Variants in CEP43 observed in about 807,000 individuals in gnomAD.
CEP43 encodes the protein FGFR1 oncogene partner.
A neutral mutation model predicts 52.6 loss-of-function variants in CEP43; 36 were observed. That is an observed-to-expected ratio of 0.68 (90% CI 0.52 to 0.90). The LOEUF is 0.90. Among genes scored for constraint, CEP43 ranks in the 40% least tolerant of loss-of-function variants. The pLI, the probability that CEP43 is intolerant of heterozygous loss-of-function variation, is 0.00. For missense variants in CEP43, 506 were observed against 472.8 expected (o/e 1.07, Z -0.65); for synonymous variants, 192 against 172.4 (o/e 1.11, Z -0.89).
At chr6:167,005,258 CTT>C (rs1368128840) in intron 5 of CEP43, among the ~76,000 whole-genome samples, 5 of 152,114 alleles carry the variant, frequency 3.3e-5, no homozygotes, top group Non-Finnish European at 5.9e-5. Context: ...GGTAAATAGA[CTT>C]TGTGGGTACT....
At chr6:167,036,621 C>T (rs959863040) in intron 12 of CEP43, 11 of 985,196 alleles carry the variant, frequency 1.1e-5, no homozygotes, top group East Asian at 1.1e-4. Context: ...AAGTTCCCGT[C>T]GATTTGTATG....
Position 167,032,583 on chromosome 6 carries a change from T to C in CEP43, c.989-20T>C. ...TGTGACGCACATTAGATATAACATA[T>C]CTTTTCTTAAACTTATCAGGAACTG... On this transcript the variant is annotated intron_variant, in intron 10 of 12. Transcript: ENST00000366847. The C allele has an allele frequency of 6.4e-7, 1 of 1,558,902 alleles. No homozygotes were observed.
chr6:167,030,119 A>G (rs939664772), intron 10 of CEP43, among the ~76,000 whole-genome samples: 3 of 152,242 alleles, frequency 2.0e-5, no homozygotes, highest in African/African-American at 4.8e-5. Flanking sequence ...CACTGGGGAT[A>G]TGATGGCTTA....
chr6:167,030,934 C>G (rs1321928675), intron 10 of CEP43, among the ~76,000 whole-genome samples: 1 of 151,214 alleles, frequency 6.6e-6, no homozygotes, highest in Non-Finnish European at 1.5e-5. Flanking sequence ...CCCTAATGAT[C>G]CGGCTTCTGC....
At chr6:167,027,314 G>A (rs991004758) in intron 10 of CEP43, among the ~76,000 whole-genome samples, 5 of 152,178 alleles carry the variant, frequency 3.3e-5, no homozygotes, top group African/African-American at 4.8e-5. Flanking sequence ...GTTCTGTTCT[G>A]TGCAAGACTG....
chr6:167,013,356 A>G, intron 6 of CEP43, 152 bp from the exon 7 acceptor site: 1 of 580,996 alleles, frequency 1.7e-6, no homozygotes, highest in East Asian at 3.1e-5. Context: ...TAGTTAAGAA[A>G]GGACCAAAAA....
intron 8 of CEP43, among the ~76,000 whole-genome samples, chr6:167,022,882 G>C (rs73259238): frequency 0.013 from 2,010 of 152,182 alleles, 43 homozygotes; most frequent in African/African-American, 0.045. Flanking sequence ...GTTCCAGGGT[G>C]GGGTGCAGCA....
intron 7 of CEP43, 54 bp downstream of exon 7, chr6:167,013,621 C>T: frequency 7.0e-7 from 1 of 1,418,848 alleles, no homozygotes. Flanking sequence ...CAGGTCTCGA[C>T]TCTGGGGCCT....
intron 12 of CEP43, among the ~76,000 whole-genome samples, chr6:167,038,213 A>G (rs1371100475): frequency 6.6e-6 from 1 of 152,236 alleles, no homozygotes; most frequent in African/African-American, 2.4e-5. Context: ...CAAGTAGTTT[A>G]AACAGAAGTA....
intron 12 of CEP43, among the ~76,000 whole-genome samples, chr6:167,035,826 C>T (rs898396064): frequency 1.3e-5 from 2 of 152,188 alleles, no homozygotes; most frequent in African/African-American, 4.8e-5. Context: ...CTCGGCCTCC[C>T]AAAGTGCTGG....
At chr6:167,035,560 A>C (rs1780565395) in intron 12 of CEP43, among the ~76,000 whole-genome samples, 1 of 150,958 alleles carries the variant, frequency 6.6e-6, no homozygotes, top group African/African-American at 2.4e-5. Context: ...CAAGTTATTT[A>C]ACTTTTTTTT....
In CEP43 at chr6:167,033,856, T is replaced by C. The variant is rs1780525495; in HGVS notation, c.1029-19T>C. The C allele has an allele frequency of 3.2e-6, 4 of 1,268,824 alleles. No homozygotes were observed. The highest frequency in any genetic ancestry group is 2.1e-5 in the Admixed American group (1 of 48,088). The allele number at this position is 1,268,824 out of a possible 1,614,324, so 78.6% of individuals were successfully genotyped here. ...TTTATTTTCAGAGTTCTTATTTTTT[T>C]TTCCCCTTCTGAAATTAGTACCAGC... On this transcript the variant is annotated intron_variant, in intron 11 of 12. Transcript: ENST00000366847.
In CEP43 at chr6:167,004,301, A is replaced by C; in HGVS notation, c.338A>C (p.Asp113Ala). The C allele has an allele frequency of 6.2e-7, 1 of 1,609,650 alleles. No individual in the cohort carries two copies. Among genetic ancestry groups the C allele is most frequent in the Non-Finnish European group, 8.5e-7 (1 of 1,177,820 alleles). The change falls in exon 5 of 13, where the codon GAT becomes GCT. Residue 113 changes from aspartate (D) to alanine (A), a missense_variant. Physicochemically the swap from Asp to Ala is moderately radical, Grantham distance 126 (BLOSUM62 -2). Transcript: ENST00000366847. ...GLEGRENLAR[D>A]LGIIEAEGTV... ...GAAGGTCGAGAGAATTTAGCCCGAG[A>C]TTTAGGTATAATTGAAGCAGAAGGT...
At chr6:167,039,137 T>C (rs1403416522) in intron 12 of CEP43, among the ~76,000 whole-genome samples, 1 of 147,068 alleles carries the variant, frequency 6.8e-6, no homozygotes, top group African/African-American at 2.5e-5. Context: ...ATTTTGTTAC[T>C]TTTTTTTTTT....
chr6:167,033,871 T>G lies in CEP43; in HGVS notation c.1029-4T>G. The G allele has an allele frequency of 6.6e-7, 1 of 1,507,506 alleles. No individual in the cohort carries two copies. The highest frequency in any genetic ancestry group is 9.1e-7 in the Non-Finnish European group (1 of 1,103,730). The allele number at this position is 1,507,506 out of a possible 1,614,324, so 93.4% of individuals were successfully genotyped here. A position where few individuals can be genotyped will look rare whatever the true frequency, so the allele number is the denominator to read the frequency against. On this transcript the variant is annotated splice_region_variant and splice_polypyrimidine_tract_variant and intron_variant, in intron 11 of 12. Transcript: ENST00000366847. Reference sequence around the variant, plus strand: ...CTTATTTTTTTTTCCCCTTCTGAAATTAGTACCAGCCATCGCTCAGAGAAA... The same window carrying G: ...CTTATTTTTTTTTCCCCTTCTGAAAGTAGTACCAGCCATCGCTCAGAGAAA...
intron 6 of CEP43, among the ~76,000 whole-genome samples, chr6:167,012,383 A>C (rs1780005829): frequency 6.6e-6 from 1 of 151,630 alleles, no homozygotes; most frequent in Non-Finnish European, 1.5e-5. Context: ...TTTTTCCTAA[A>C]TACTCATAGG....
At chr6:166,999,746 C>G in intron 1 of CEP43, 1 of 508,096 alleles carries the variant, frequency 2.0e-6, no homozygotes, top group Non-Finnish European at 3.4e-6. Context: ...TGGCCCATCC[C>G]CTGCCTCATT....
At position 167,013,566 on chromosome 6, in the gene CEP43, A is replaced by C. The variant is rs1780029584; in HGVS notation, c.578A>C (p.Lys193Thr). Residue 193 changes from lysine (K) to threonine (T), a missense_variant and splice_region_variant, in exon 7 of 13, where the codon AAG (lysine) becomes ACG (threonine). By Grantham distance (78) the Lys-to-Thr change is moderately conservative. Transcript: ENST00000366847. Reference protein sequence around the residue: ...KKTSGQKAGDKKANDEANQSD... With the variant: ...KKTSGQKAGDTKANDEANQSD... ...ACAAGCGGGCAGAAGGCTGGTGACA[A>C]GGTAACATGCATGAGGGCAGAGGAG... 6.2e-7 allele frequency: 1 copy of C among 1,613,664 alleles called. No homozygotes were observed. The highest frequency in any genetic ancestry group is 8.5e-7 in the Non-Finnish European group (1 of 1,179,638).
In CEP43 at chr6:167,018,024, C is replaced by T. The variant is rs951680837; in HGVS notation, c.580-4385C>T. On this transcript the variant is annotated intron_variant, in intron 7 of 12. Transcript: ENST00000366847. Reference sequence around the variant, plus strand: ...GGCTTAAAAATGTGAAATCAAGGTTCGCGGAGGGCTGTGGCTCCTGTTCTA... The same window carrying T: ...GGCTTAAAAATGTGAAATCAAGGTTTGCGGAGGGCTGTGGCTCCTGTTCTA... 8.5e-5 allele frequency among the ~76,000 whole-genome samples: 13 copies of T among 152,288 alleles called. No homozygotes were observed. In the South Asian group the frequency reaches 1.2e-3, roughly 15 times the overall value.
Sources: allele counts gnomAD v4.1 joint callset (sites outside exome capture counted in the v4.1 genomes callset), GRCh38; gene constraint gnomAD v4.1.1; transcripts MANE v1.5; gene names NCBI Gene and HGNC (gene_info 2026-07-23, HGNC 2026-07-21).